MED17: variants seen among roughly 807,000 people sequenced by gnomAD.
MED17 encodes the protein mediator of RNA polymerase II transcription subunit 17.
A neutral mutation model predicts 80.8 loss-of-function variants in MED17; 49 were observed. That is an observed-to-expected ratio of 0.61 (90% CI 0.48 to 0.77). The LOEUF (loss-of-function observed/expected upper bound fraction) is 0.77. Among genes scored for constraint, MED17 ranks in the 30% least tolerant of loss-of-function variants. The pLI, the probability that MED17 is intolerant of heterozygous loss-of-function variation, is 0.00. For synonymous variants in MED17, 281 were observed against 280.4 expected, an observed-to-expected ratio of 1.00 and a Z score of -0.02; for missense variants, 718 against 787.0, an observed-to-expected ratio of 0.91 and a Z score of 1.05.
chr11:93,808,743 C>G (rs1944055208), intron 10 of MED17: 1 of 151,938 alleles, frequency 6.6e-6, no homozygotes, highest in Non-Finnish European at 1.5e-5. Context: ...TCTAAATTGG[C>G]TTTGGTTACT....
At chr11:93,796,332 A>G (rs1943900771) in intron 6 of MED17, 78 bp from the exon 7 acceptor site, 1 of 1,267,204 alleles carries the variant, frequency 7.9e-7, no homozygotes, top group East Asian at 2.3e-5. Context: ...ATGAACTATG[A>G]TTATACTTTA....
rs77132304 is a variant in MED17 at position 93,812,254 on chromosome 11, T to C, written c.*190T>C. The C allele has an allele frequency of 4.5e-3, 2,837 of 635,122 alleles. 100 individuals carry two copies. The East Asian group carries it at 0.073, about 16-fold the overall frequency. The allele number at this position is 635,122 out of a possible 1,614,324, so 39.3% of individuals were successfully genotyped here. On this transcript the variant is annotated 3_prime_UTR_variant, in exon 12 of 12. Coordinates refer to ENST00000251871, the MANE Select transcript of MED17 (RefSeq NM_004268.5). ...TGACAAGTGCTTTGAAATGCAGAAG[T>C]TTATGTACAGTTGTATATACAGTAT... is the stretch of plus-strand genomic sequence containing the variant.
chr11:93,790,557 TG>T lies in MED17; in HGVS notation c.418-14del, dbSNP rs1181036682. 6.2e-7 allele frequency: 1 copy of T among 1,604,864 alleles called. No homozygotes were observed. The highest frequency in any genetic ancestry group is 8.5e-7 in the Non-Finnish European group (1 of 1,171,984). Reference sequence around the variant, plus strand: ...TAAAAATCCTGCAGAACTGCATGTTTGGGTTGTTTTTGACAGAATCCTCAGA... The same window carrying T: ...TAAAAATCCTGCAGAACTGCATGTTTGGTTGTTTTTGACAGAATCCTCAGA... On this transcript the variant is annotated splice_polypyrimidine_tract_variant and intron_variant, in intron 2 of 11. Coordinates refer to ENST00000251871, the MANE Select transcript of MED17 (RefSeq NM_004268.5).
At chr11:93,802,109 G>A (rs1032049679) in intron 9 of MED17, 137 bp downstream of exon 9, 2 of 613,514 alleles carry the variant, frequency 3.3e-6, no homozygotes, top group Admixed American at 3.4e-5. Context: ...GCTGTAGAGT[G>A]TTTTTTTTTT....
Position 93,796,598 on chromosome 11 carries a change from T to C in MED17, c.1143+58T>C, listed in dbSNP as rs982151421. 2.9e-5 allele frequency: 46 copies of C among 1,588,882 alleles called. No homozygotes were observed. In the African/African-American group the frequency reaches 5.2e-4, roughly 18 times the overall value. On this transcript the variant is annotated intron_variant, in intron 7 of 11. Transcript: ENST00000251871. ...GTGAGTATGTCCAGGGCAGTGAGTATGCACAAAGCTCCTCTCGTCTGCTGA... is the reference window on the plus strand; with the variant it reads ...GTGAGTATGTCCAGGGCAGTGAGTACGCACAAAGCTCCTCTCGTCTGCTGA...
chr11:93,798,909 C>T (rs1265133793), intron 8 of MED17, among the ~76,000 whole-genome samples: 1 of 152,072 alleles, frequency 6.6e-6, no homozygotes, highest in Non-Finnish European at 1.5e-5. Context: ...TAAATATTCC[C>T]CAAATAAATG....
chr11:93,795,885 C>T (rs917202349), intron 6 of MED17: 3 of 162,748 alleles, frequency 1.8e-5, no homozygotes, highest in African/African-American at 7.3e-5. Context: ...GGGCAGCAGC[C>T]ATATTATGTG....
intron 9 of MED17, among the ~76,000 whole-genome samples, chr11:93,802,724 C>T (rs1308736079): frequency 6.6e-6 from 1 of 152,118 alleles, no homozygotes; most frequent in Non-Finnish European, 1.5e-5. Flanking sequence ...TTCTCATGAC[C>T]TGGTGTTGAT....
At chr11:93,794,196 GC>G in intron 5 of MED17, 161 bp downstream of exon 5, 2 of 474,316 alleles carry the variant, frequency 4.2e-6, no homozygotes, top group East Asian at 4.1e-5. Flanking sequence ...GAATAGCTGT[GC>G]AATTTTTTTT....
intron 9 of MED17, among the ~76,000 whole-genome samples, chr11:93,805,804 A>G (rs942053415): frequency 9.2e-5 from 14 of 152,016 alleles, no homozygotes; most frequent in Non-Finnish European, 1.9e-4. Context: ...TAGTACATCA[A>G]AATTACAACT....
At chr11:93,798,176 TAAAG>T (rs1407943562) in intron 8 of MED17, among the ~76,000 whole-genome samples, 3 of 152,176 alleles carry the variant, frequency 2.0e-5, no homozygotes, top group Admixed American at 1.3e-4. Flanking sequence ...GATTGAGGCT[TAAAG>T]AAGTTATGCA....
At chr11:93,797,778 C>T in intron 8 of MED17, 59 bp downstream of exon 8, 15 of 1,470,352 alleles carry the variant, frequency 1.0e-5, no homozygotes, top group Non-Finnish European at 1.4e-5. Context: ...GTGTTTTCTT[C>T]TGTTATTTCA....
chr11:93,804,210 A>G (rs1488179485), intron 9 of MED17, among the ~76,000 whole-genome samples: 1 of 151,862 alleles, frequency 6.6e-6, no homozygotes, highest in African/African-American at 2.4e-5. Flanking sequence ...ATCCAGCACG[A>G]GAGAAAGATG....
chr11:93,784,951 G>T (rs1943753406), intron 1 of MED17, 188 bp downstream of exon 1: 3 of 790,330 alleles, frequency 3.8e-6, no homozygotes, highest in Non-Finnish European at 5.9e-6. Context: ...ACGACTTTAC[G>T]TAATACTCCT....
intron 9 of MED17, among the ~76,000 whole-genome samples, chr11:93,803,989 ATATG>A (rs1170421859): frequency 0.08 from 1,711 of 21,312 alleles, 54 homozygotes; most frequent in African/African-American, 0.1. Context: ...GTGTGTGTAT[ATATG>A]TGTGTGTATA....
At chr11:93,785,970 C>G (rs561804543) in intron 1 of MED17, among the ~76,000 whole-genome samples, 1 of 151,956 alleles carries the variant, frequency 6.6e-6, no homozygotes, top group East Asian at 1.9e-4. Context: ...TGCCACCGCA[C>G]TCCAGCCTGG....
intron 8 of MED17, chr11:93,801,001 A>G (rs1328468996): frequency 6.6e-6 from 1 of 152,104 alleles, no homozygotes; most frequent in Non-Finnish European, 1.5e-5. Flanking sequence ...GGTTAATTTA[A>G]ATGATTTATG....
Position 93,807,528 on chromosome 11 carries a change from C to T in MED17, c.1477C>T (p.Leu493=), listed in dbSNP as rs1944039356. The T allele has an allele frequency of 6.3e-7, 1 of 1,592,932 alleles. No homozygotes were observed. Among genetic ancestry groups the T allele is most frequent in the Non-Finnish European group, 8.6e-7 (1 of 1,160,862 alleles). ...TGTGTGTCTATAAAGGTCCATTCAA[C>T]TGCAATTGAATATTGGAGTTGAGCA... ...GYEQICKSIQ[L]QLNIGVEQIR... Residue 493 remains leucine, a synonymous_variant, in exon 10 of 12, where the codon CTG becomes TTG. Transcript: ENST00000251871.
At chr11:93,793,430 A>AT (rs766080675) in intron 3 of MED17, 2 of 308,730 alleles carry the variant, frequency 6.5e-6, no homozygotes, top group South Asian at 3.1e-5. Flanking sequence ...GAGTACACCC[A>AT]TTTTTATCAA....
Sources: gnomAD v4.1 joint callset for allele counts (sites outside exome capture counted in the v4.1 genomes callset) on GRCh38, gnomAD v4.1.1 for gene constraint, MANE v1.5 for transcripts, NCBI Gene and HGNC (gene_info 2026-07-23, HGNC 2026-07-21) for gene names.